Variants in PTPN22 observed in about 807,000 individuals in gnomAD.
PTPN22 encodes the protein tyrosine-protein phosphatase non-receptor type 22.
A neutral mutation model predicts 103.3 loss-of-function variants in PTPN22; 85 were observed. The observed-to-expected ratio is 0.82, with a 90% confidence interval of 0.69 to 0.99. PTPN22 has a LOEUF of 0.99. Ranked by LOEUF, PTPN22 falls within the 50% of genes least tolerant of loss-of-function variation. PTPN22 has a pLI of 0.00. For missense variants in PTPN22, 865 were observed against 936.9 expected (o/e 0.92, Z 1.00); for synonymous variants, 323 against 310.2 (o/e 1.04, Z -0.43).
rs775051700 is a variant in PTPN22, at chr1:113,829,976, CTA to C, written c.2105_2106del (p.Leu702ArgfsTer8). The C allele has an allele frequency of 1.9e-6, 3 of 1,607,364 alleles. No individual in the cohort carries two copies. Among genetic ancestry groups the C allele is most frequent in the East Asian group, 2.2e-5 (1 of 44,794 alleles). ...TCTTCATCGGCAAGAAAGAAGGACT[CTA>C]GAGTTCTTTCTGGGAGAGGAGGTGG... On this transcript the variant is annotated frameshift_variant, in exon 17 of 21. Transcript: ENST00000359785. LOFTEE classifies it high-confidence loss of function.
intron 10 of PTPN22, 67 bp downstream of exon 10, chr1:113,851,960 G>A: frequency 2.5e-6 from 3 of 1,213,260 alleles, no homozygotes; most frequent in Non-Finnish European, 3.5e-6. Context: ...GTTTTTGGAT[G>A]CCTCACCATT....
intron 20 of PTPN22, among the ~76,000 whole-genome samples, chr1:113,815,991 A>G (rs1661116079): frequency 6.6e-6 from 1 of 152,176 alleles, no homozygotes; most frequent in South Asian, 2.1e-4. Context: ...ATGGCAGTGT[A>G]TTTTTAAGTT....
At chr1:113,817,608 TAA>T (rs897504963) in intron 20 of PTPN22, among the ~76,000 whole-genome samples, 18 of 146,180 alleles carry the variant, frequency 1.2e-4, no homozygotes, top group Non-Finnish European at 2.3e-4. Context: ...TGGCTAGTTC[TAA>T]AAAAAAAACA....
chr1:113,829,957 TCG>T lies in PTPN22; in HGVS notation c.2124_2125del (p.Asp709Ter). On this transcript the variant is annotated frameshift_variant, in exon 17 of 21. Coordinates refer to ENST00000359785, the Ensembl canonical transcript of PTPN22. LOFTEE classifies it high-confidence loss of function. ...AAAGTGCTACCACTTACAATCTTCA[TCG>T]GCAAGAAAGAAGGACTCTAGAGTTC... 6.3e-7 allele frequency: 1 copy of T among 1,598,206 alleles called. No homozygotes were observed. Among genetic ancestry groups the T allele is most frequent in the Non-Finnish European group, 8.6e-7 (1 of 1,165,806 alleles).
At chr1:113,824,736 T>G (rs1396436061) in intron 19 of PTPN22, among the ~76,000 whole-genome samples, 2 of 152,056 alleles carry the variant, frequency 1.3e-5, no homozygotes, top group African/African-American at 4.8e-5. Flanking sequence ...CAGTGGCTTA[T>G]GCCTGTAATC....
chr1:113,825,816 C>T (rs1178001337), intron 18 of PTPN22, among the ~76,000 whole-genome samples: 2 of 152,018 alleles, frequency 1.3e-5, no homozygotes, highest in Admixed American at 6.5e-5. Context: ...CGGGTTCAAG[C>T]GATCCTTCTG....
chr1:113,816,684 G>A (rs1405945927), intron 20 of PTPN22, among the ~76,000 whole-genome samples: 3 of 152,096 alleles, frequency 2.0e-5, no homozygotes, highest in African/African-American at 4.8e-5. Context: ...TGAGGTGAGT[G>A]GATCACCTGA....
chr1:113,860,689 CA>C (rs1665498200), intron 1 of PTPN22, among the ~76,000 whole-genome samples: 1 of 152,188 alleles, frequency 6.6e-6, no homozygotes, highest in Non-Finnish European at 1.5e-5. Context: ...ACCAATTTTT[CA>C]AATCTCCCTG....
At chr1:113,822,094 C>T (rs535348153) in intron 19 of PTPN22, among the ~76,000 whole-genome samples, 1 of 152,132 alleles carries the variant, frequency 6.6e-6, no homozygotes, top group African/African-American at 2.4e-5. Flanking sequence ...GTGAGACTAA[C>T]CTGAGAGACA....
chr1:113,871,633 C>A (rs1311782967), exon 1 of PTPN22: 15 of 1,612,934 alleles, frequency 9.3e-6, no homozygotes, highest in Non-Finnish European at 1.2e-5. Flanking sequence ...TGCTGCAGAG[C>A]AAGAAAAATA....
intron 1 of PTPN22, among the ~76,000 whole-genome samples, chr1:113,862,908 T>C (rs1665741211): frequency 6.6e-6 from 1 of 152,164 alleles, no homozygotes; most frequent in African/African-American, 2.4e-5. Flanking sequence ...AAGACTGAAT[T>C]GTACGAGCGT....
rs769812825 is a variant in PTPN22, at chr1:113,871,583, G to T, written c.41C>A (p.Ala14Asp). ...CTCTTTAGTAATTTTCTTGCTTTGG[G>T]CCTCATCCAGGAACTTCTGCAGAAT... Residue 14 changes from alanine to aspartate, a missense_variant, in exon 1 of 21, where the codon GCC becomes GAC. Physicochemically the swap from Ala to Asp is moderately radical, Grantham distance 126. Coordinates refer to ENST00000359785, the Ensembl canonical transcript of PTPN22. The T allele has an allele frequency of 2.5e-6, 4 of 1,613,960 alleles. 1 individual carries two copies. The South Asian group carries it at 4.4e-5, about 18-fold the overall frequency.
intron 19 of PTPN22, among the ~76,000 whole-genome samples, chr1:113,824,206 A>G (rs1357018116): frequency 2.0e-5 from 3 of 152,090 alleles, no homozygotes; most frequent in African/African-American, 7.2e-5. Flanking sequence ...AGTTCAAGCA[A>G]TCCTCCTGCC....
intron 9 of PTPN22, among the ~76,000 whole-genome samples, chr1:113,852,385 A>G (rs1387774182): frequency 1.3e-5 from 2 of 152,184 alleles, no homozygotes; most frequent in African/African-American, 4.8e-5. Flanking sequence ...GATTCAGTAG[A>G]TGCACAAGTA....
rs1175886473 is a variant in PTPN22, at chr1:113,858,990, C to G, written c.273+12G>C. The G allele has an allele frequency of 9.3e-6, 15 of 1,611,116 alleles. No individual in the cohort carries two copies. Among genetic ancestry groups the G allele is most frequent in the Non-Finnish European group, 1.2e-5 (14 of 1,178,860 alleles). On this transcript the variant is annotated intron_variant, in intron 3 of 20. Coordinates refer to ENST00000359785, the Ensembl canonical transcript of PTPN22. ...GAGAAATATGGAATGCTTTTATTTT[C>G]TTTCACTGTACCTTAATGAAGTTGG...
chr1:113,826,446 A>AAGGGAAGGGAAGGGT (rs1662074466), intron 18 of PTPN22, among the ~76,000 whole-genome samples: 1 of 147,884 alleles, frequency 6.8e-6, no homozygotes, highest in African/African-American at 2.5e-5. Flanking sequence ...AAGGGAAGGG[A>AAGGGAAGGGAAGGGT]CTCAGAGGGG....
At chr1:113,837,509 G>A (rs140495622) in intron 13 of PTPN22, 81 bp downstream of exon 13, 3 of 969,394 alleles carry the variant, frequency 3.1e-6, no homozygotes, top group Non-Finnish European at 4.6e-6. Flanking sequence ...GAGGAGAAGA[G>A]GGAAGAGGAG....
chr1:113,839,799 C>A (rs1038448448), intron 11 of PTPN22, among the ~76,000 whole-genome samples: 12 of 151,588 alleles, frequency 7.9e-5, no homozygotes, highest in African/African-American at 2.7e-4. Flanking sequence ...CCCCTAAGAT[C>A]AAAAACAAGA....
intron 19 of PTPN22, among the ~76,000 whole-genome samples, chr1:113,821,727 G>T (rs773463838): frequency 6.6e-6 from 1 of 152,116 alleles, no homozygotes; most frequent in African/African-American, 2.4e-5. Flanking sequence ...TTCAGTTCCC[G>T]TGCTTCCATT....
Sources: allele counts gnomAD v4.1 joint callset (sites outside exome capture counted in the v4.1 genomes callset), GRCh38; gene constraint gnomAD v4.1.1; transcripts MANE v1.5; gene names NCBI Gene and HGNC (gene_info 2026-07-23, HGNC 2026-07-21).